The following CADM2 variants were observed in gnomAD, a reference collection of about 807,000 sequenced individuals.
CADM2 encodes immunoglobulin superfamily member 4D.
CADM2 carries 12 observed loss-of-function variants against 49.8 expected under a neutral mutation model. That is an observed-to-expected ratio of 0.24 (90% CI 0.15 to 0.39). The LOEUF is 0.39. CADM2 is among the 10% of genes least tolerant of loss of function. The pLI is 1.00. For missense variants in CADM2, 378 were observed against 492.3 expected (o/e 0.77, Z 2.20); for synonymous variants, 214 against 175.4 (o/e 1.22, Z -1.74).
At chr3:85,925,773 G>A (rs1004596922) in intron 6 of CADM2, among the ~76,000 whole-genome samples, 5 of 152,064 alleles carry the variant, frequency 3.3e-5, no homozygotes, top group Non-Finnish European at 5.9e-5. Flanking sequence ...TGCATACAGC[G>A]CCACAGTTCT....
intron 1 of CADM2, among the ~76,000 whole-genome samples, chr3:85,684,892 A>G (rs777051649): frequency 6.6e-6 from 1 of 152,182 alleles, no homozygotes; most frequent in African/African-American, 2.4e-5. Context: ...ACACAGCCAA[A>G]CCAAATCATC....
chr3:85,029,022 T>C (rs2034861688), intron 1 of CADM2, among the ~76,000 whole-genome samples: 1 of 151,978 alleles, frequency 6.6e-6, no homozygotes, highest in African/African-American at 2.4e-5. Context: ...ACGTATTTAA[T>C]ACTATTATAA....
chr3:85,196,581 T>G (rs539889094), intron 1 of CADM2, among the ~76,000 whole-genome samples: 1 of 152,116 alleles, frequency 6.6e-6, no homozygotes, highest in Non-Finnish European at 1.5e-5. Context: ...TTGATTGATT[T>G]ATTCTAGAAA....
At chr3:85,334,308 A>T (rs1272414725) in intron 1 of CADM2, among the ~76,000 whole-genome samples, 3 of 151,594 alleles carry the variant, frequency 2.0e-5, no homozygotes, top group South Asian at 2.1e-4. Context: ...TCACATCATT[A>T]GTGCTAATGA....
In CADM2 at chr3:85,961,544, G is replaced by A; in HGVS notation, c.867G>A (p.Glu289=). 1 of 1,610,856 alleles carries A rather than the reference G, an allele frequency of 6.2e-7. No individual in the cohort carries two copies. The highest frequency in any genetic ancestry group is 8.5e-7 in the Non-Finnish European group (1 of 1,177,730). ...DPDRMVVSGR[E]LNILFLNKTD... The stretch of plus-strand genomic sequence containing the variant: ...ACCGAATGGTTGTGAGTGGTAGGGA[G>A]CTAAACATTCTTTTCCTGAACAAAA... Residue 289 remains glutamate (E), a synonymous_variant, in exon 8 of 10, where the codon GAG becomes GAA. Transcript: ENST00000383699.
At chr3:85,391,513 G>A (rs1302496365) in intron 1 of CADM2, among the ~76,000 whole-genome samples, 1 of 149,532 alleles carries the variant, frequency 6.7e-6, no homozygotes, top group African/African-American at 2.4e-5. Context: ...TTCAGGCAAG[G>A]CAGAGACCGA....
At chr3:85,731,569 A>T (rs1460612816) in intron 2 of CADM2, among the ~76,000 whole-genome samples, 1 of 152,180 alleles carries the variant, frequency 6.6e-6, no homozygotes, top group Non-Finnish European at 1.5e-5. Context: ...AAAAACATGT[A>T]GTCCTAGGTA....
At chr3:85,944,811 C>G (rs1406898090) in intron 7 of CADM2, among the ~76,000 whole-genome samples, 4 of 151,748 alleles carry the variant, frequency 2.6e-5, no homozygotes, top group Non-Finnish European at 5.9e-5. Flanking sequence ...ACTAAAGGCC[C>G]ACAAGACAAA....
chr3:85,145,519 A>C (rs2039711421), intron 1 of CADM2, among the ~76,000 whole-genome samples: 1 of 152,046 alleles, frequency 6.6e-6, no homozygotes, highest in Non-Finnish European at 1.5e-5. Flanking sequence ...GGGCATTTTA[A>C]AACACACTGG....
chr3:84,987,051 T>A (rs1416755773), intron 1 of CADM2, among the ~76,000 whole-genome samples: 1 of 151,286 alleles, frequency 6.6e-6, no homozygotes, highest in Middle Eastern at 3.4e-3. Flanking sequence ...AAACTCCGTC[T>A]CAAAAACAAA....
intron 1 of CADM2, among the ~76,000 whole-genome samples, chr3:85,138,089 G>A (rs1018547294): frequency 6.6e-6 from 1 of 152,110 alleles, no homozygotes. Flanking sequence ...ATAGGACAGA[G>A]TCGATTTTGG....
At chr3:85,941,206 C>G (rs1721851668) in intron 7 of CADM2, among the ~76,000 whole-genome samples, 1 of 152,036 alleles carries the variant, frequency 6.6e-6, no homozygotes, top group African/African-American at 2.4e-5. Context: ...ATTACTTGAT[C>G]AAGGAAATAC....
At chr3:85,333,305 C>A (rs1051796005) in intron 1 of CADM2, among the ~76,000 whole-genome samples, 2 of 151,412 alleles carry the variant, frequency 1.3e-5, no homozygotes, top group East Asian at 1.9e-4. Context: ...TTAATATTAG[C>A]GAGCCATGTA....
chr3:85,180,493 A>G (rs2107703044), intron 1 of CADM2, among the ~76,000 whole-genome samples: 2 of 135,646 alleles, frequency 1.5e-5, no homozygotes, highest in Non-Finnish European at 3.1e-5. Context: ...TGGATGAAAG[A>G]GTGAGACCCT....
chr3:85,560,263 C>A (rs78288623), intron 1 of CADM2, among the ~76,000 whole-genome samples: 77,771 of 151,856 alleles, frequency 0.51, 22,969 homozygotes, highest in East Asian at 0.85. Flanking sequence ...GCAGGTGCAC[C>A]AGCTTGATGA....
intron 1 of CADM2, among the ~76,000 whole-genome samples, chr3:85,577,278 G>A (rs903929047): frequency 1.3e-5 from 2 of 152,080 alleles, no homozygotes; most frequent in East Asian, 3.9e-4. Context: ...CCAATATAAC[G>A]GGGTTGAAAA....
chr3:85,462,049 T>C (rs1055696184), intron 1 of CADM2, among the ~76,000 whole-genome samples: 1 of 152,090 alleles, frequency 6.6e-6, no homozygotes, highest in Non-Finnish European at 1.5e-5. Context: ...ATTAATCAGG[T>C]TACCACTGTC....
rs534200170 is a variant in CADM2 at position 85,574,182 on chromosome 3, T to C, written c.62-152340T>C. Among the ~76,000 whole-genome samples, 5 of 152,334 alleles carry C rather than the reference T, an allele frequency of 3.3e-5. No individual in the cohort carries two copies. The South Asian group carries it at 8.3e-4, about 25-fold the overall frequency. On this transcript the variant is annotated intron_variant, in intron 1 of 9. Transcript: ENST00000383699. ...GGGCAAGTTTTTAGGCCTAGACATTTCCTGTGCTTCTTACCAGTGATGACT... is the reference window on the plus strand; with the variant it reads ...GGGCAAGTTTTTAGGCCTAGACATTCCCTGTGCTTCTTACCAGTGATGACT...
intron 3 of CADM2, among the ~76,000 whole-genome samples, chr3:85,802,937 A>T (rs2072145316): frequency 6.6e-6 from 1 of 152,030 alleles, no homozygotes; most frequent in Non-Finnish European, 1.5e-5. Context: ...TATATTATAT[A>T]GGATATAAAT....
Sources: allele counts gnomAD v4.1 joint callset (sites outside exome capture counted in the v4.1 genomes callset), GRCh38; gene constraint gnomAD v4.1.1; transcripts MANE v1.5; gene names NCBI Gene and HGNC (gene_info 2026-07-23, HGNC 2026-07-21).